Variants in IGF1R observed in about 807,000 individuals in gnomAD.
IGF1R encodes the protein insulin like growth factor 1 receptor, also known as insulin-like growth factor 1 receptor.
A neutral mutation model predicts 144.6 loss-of-function variants in IGF1R; 44 were observed. That is an observed-to-expected ratio of 0.30 (90% CI 0.24 to 0.39). The LOEUF (loss-of-function observed/expected upper bound fraction) is 0.39, where lower values mean the gene tolerates loss of function less well. Among genes scored for constraint, IGF1R ranks in the 10% least tolerant of loss-of-function variants. The probability of loss-of-function intolerance (pLI) is 1.00; values close to 1 mark genes in which losing one functional copy is unlikely to be tolerated. For missense variants in IGF1R, 1,355 were observed against 1,833.7 expected (o/e 0.74, Z 4.77); for synonymous variants, 795 against 722.8 (o/e 1.10, Z -1.60).
intron 2 of IGF1R, among the ~76,000 whole-genome samples, chr15:98,856,050 G>T (rs2011796991): frequency 6.6e-6 from 1 of 152,176 alleles, no homozygotes; most frequent in African/African-American, 2.4e-5. Context: ...GGTTTAGAGG[G>T]AGACGGGGTG....
chr15:98,830,728 C>G (rs564178633), intron 2 of IGF1R, among the ~76,000 whole-genome samples: 1 of 152,060 alleles, frequency 6.6e-6, no homozygotes, highest in East Asian at 1.9e-4. Flanking sequence ...GTCAGCCTCC[C>G]AAGTAGCTAG....
chr15:98,920,702 A>G (rs908080288), intron 10 of IGF1R, among the ~76,000 whole-genome samples: 1 of 152,142 alleles, frequency 6.6e-6, no homozygotes, highest in Non-Finnish European at 1.5e-5. Flanking sequence ...TGTGAAAGCA[A>G]ATGTACACGC....
rs1329033666 is a variant in IGF1R, at chr15:98,744,185, G to A, written c.640+36078G>A. Among the ~76,000 whole-genome samples, 5 of 152,022 alleles carry A rather than the reference G, an allele frequency of 3.3e-5. No individual in the cohort carries two copies. In the East Asian group the frequency reaches 5.8e-4, roughly 18 times the overall value. On this transcript the variant is annotated intron_variant, in intron 2 of 20. Transcript: ENST00000650285. ...GGATGGAGCTTAAAGGGACGTCAGC[G>A]TTCAAGGGCCAGGTAGAGGATCATG...
chr15:98,709,059 T>C (rs2053933630), intron 2 of IGF1R, among the ~76,000 whole-genome samples: 1 of 152,246 alleles, frequency 6.6e-6, no homozygotes, highest in Non-Finnish European at 1.5e-5. Context: ...TTATGTATAT[T>C]GGCTAGGAAG....
chr15:98,791,394 T>C (rs1466487568), intron 2 of IGF1R, among the ~76,000 whole-genome samples: 1 of 152,244 alleles, frequency 6.6e-6, no homozygotes, highest in Non-Finnish European at 1.5e-5. Flanking sequence ...TTTATTTTTA[T>C]ATGACATTTT....
intron 2 of IGF1R, among the ~76,000 whole-genome samples, chr15:98,734,916 A>C (rs73475609): frequency 0.013 from 1,999 of 152,264 alleles, 47 homozygotes; most frequent in African/African-American, 0.045. Context: ...CTGTATGTAA[A>C]CACTGGCCCT....
At chr15:98,898,490 A>C (rs1014619662) in intron 4 of IGF1R, among the ~76,000 whole-genome samples, 29 of 152,304 alleles carry the variant, frequency 1.9e-4, no homozygotes, top group Admixed American at 1.2e-3. Flanking sequence ...AAAATTCAGG[A>C]TCTCTTCCTT....
At chr15:98,834,544 C>T (rs565734225) in intron 2 of IGF1R, among the ~76,000 whole-genome samples, 1 of 152,324 alleles carries the variant, frequency 6.6e-6, no homozygotes, top group East Asian at 1.9e-4. Flanking sequence ...AATAAGGCTC[C>T]ATTCTGTTGG....
intron 2 of IGF1R, among the ~76,000 whole-genome samples, chr15:98,865,735 C>G (rs764185028): frequency 5.3e-5 from 8 of 152,232 alleles, no homozygotes; most frequent in Admixed American, 2.0e-4. Context: ...GTTTCGATCA[C>G]TGGTGGATCC....
At chr15:98,658,242 C>T (rs1328447631) in intron 1 of IGF1R, among the ~76,000 whole-genome samples, 1 of 152,206 alleles carries the variant, frequency 6.6e-6, no homozygotes, top group African/African-American at 2.4e-5. Flanking sequence ...TTCCTCTTCA[C>T]TACTCTGCTA....
At chr15:98,747,188 G>A (rs999395903) in intron 2 of IGF1R, among the ~76,000 whole-genome samples, 21 of 98,540 alleles carry the variant, frequency 2.1e-4, no homozygotes, top group African/African-American at 4.4e-4. Context: ...TCAATTTGTC[G>A]TTGTTGTTGT....
At chr15:98,842,951 G>T (rs955742033) in intron 2 of IGF1R, among the ~76,000 whole-genome samples, 2 of 152,194 alleles carry the variant, frequency 1.3e-5, no homozygotes, top group South Asian at 2.1e-4. Flanking sequence ...AATTTTTGCT[G>T]TTAGCAAATA....
At chr15:98,741,643 A>G (rs1395894676) in intron 2 of IGF1R, among the ~76,000 whole-genome samples, 1 of 152,216 alleles carries the variant, frequency 6.6e-6, no homozygotes, top group Non-Finnish European at 1.5e-5. Flanking sequence ...CTAGTCCAGC[A>G]CTGCTCCGTC....
intron 2 of IGF1R, among the ~76,000 whole-genome samples, chr15:98,853,945 A>C (rs2011650072): frequency 6.6e-6 from 1 of 152,238 alleles, no homozygotes; most frequent in Admixed American, 6.5e-5. Context: ...GTTAGGCACA[A>C]CATCTGACTT....
At chr15:98,954,709 C>T (rs1277823774) in intron 20 of IGF1R, among the ~76,000 whole-genome samples, 1 of 152,212 alleles carries the variant, frequency 6.6e-6, no homozygotes. Flanking sequence ...TACGCTTCTG[C>T]CCAGGGGTAA....
At chr15:98,833,737 T>G (rs1257930447) in intron 2 of IGF1R, among the ~76,000 whole-genome samples, 1 of 152,214 alleles carries the variant, frequency 6.6e-6, no homozygotes, top group African/African-American at 2.4e-5. Flanking sequence ...GGGAGATTTA[T>G]TTTCCAGGTT....
chr15:98,672,853 A>C (rs2052932800), intron 1 of IGF1R, among the ~76,000 whole-genome samples: 1 of 152,036 alleles, frequency 6.6e-6, no homozygotes, highest in South Asian at 2.1e-4. Context: ...AATCTGGTGA[A>C]ACTTAATCAG....
chr15:98,899,371 AG>A (rs1596412755), intron 4 of IGF1R, 105 bp from the exon 5 acceptor site: 2 of 1,151,838 alleles, frequency 1.7e-6, no homozygotes, highest in Non-Finnish European at 1.3e-6. Context: ...GGAGCATCTC[AG>A]GGGGCACCTG....
At chr15:98,807,330 G>A (rs1389670396) in intron 2 of IGF1R, among the ~76,000 whole-genome samples, 1 of 152,210 alleles carries the variant, frequency 6.6e-6, no homozygotes, top group African/African-American at 2.4e-5. Flanking sequence ...CACGTTCTTT[G>A]TCCTTTGGGA....
Sources: gnomAD v4.1 joint callset for allele counts (sites outside exome capture counted in the v4.1 genomes callset) on GRCh38, gnomAD v4.1.1 for gene constraint, MANE v1.5 for transcripts, NCBI Gene and HGNC (gene_info 2026-07-23, HGNC 2026-07-21) for gene names.